Variants in ZNF516 observed in about 807,000 individuals in gnomAD.
The protein encoded by ZNF516 is zinc finger protein 516.
In ZNF516, 19 loss-of-function variants were observed where a neutral mutation model predicts 79.7. The ratio of observed to expected loss-of-function variants is 0.24; its 90% CI spans 0.17 to 0.35. The LOEUF (loss-of-function observed/expected upper bound fraction) is 0.35, where lower values mean the gene tolerates loss of function less well. Among genes scored for constraint, ZNF516 ranks in the 10% least tolerant of loss-of-function variants. ZNF516 has a pLI of 1.00. For synonymous variants in ZNF516, 877 were observed against 739.5 expected, an observed-to-expected ratio of 1.19 and a Z score of -3.02; for missense variants, 1,678 against 1,679.5, an observed-to-expected ratio of 1.00 and a Z score of 0.02.
chr18:76,384,732 T>G (rs1024705916), intron 3 of ZNF516, among the ~76,000 whole-genome samples: 7 of 151,634 alleles, frequency 4.6e-5, no homozygotes, highest in Non-Finnish European at 1.0e-4. Flanking sequence ...GTTGAGGAAA[T>G]GCCTGGTTCC....
At chr18:76,456,637 C>A (rs936281042) in intron 2 of ZNF516, among the ~76,000 whole-genome samples, 2 of 148,504 alleles carry the variant, frequency 1.3e-5, no homozygotes, top group Non-Finnish European at 3.0e-5. Flanking sequence ...CTGGGCCACA[C>A]AGTCAACCCC....
chr18:76,377,414 C>T (rs1015871513), intron 4 of ZNF516, among the ~76,000 whole-genome samples: 3 of 152,286 alleles, frequency 2.0e-5, no homozygotes, highest in African/African-American at 7.2e-5. Flanking sequence ...AGAGGGGCAG[C>T]AGGCCTGTGA....
chr18:76,438,315 G>A (rs938393556), intron 3 of ZNF516, among the ~76,000 whole-genome samples: 3 of 152,320 alleles, frequency 2.0e-5, no homozygotes, highest in South Asian at 2.1e-4. Context: ...AGCAATATTC[G>A]TTTTTCCTTA....
chr18:76,380,315 A>G lies in ZNF516; in HGVS notation c.1811-12T>C. The G allele has an allele frequency of 1.2e-6, 2 of 1,608,480 alleles. No homozygotes were observed. Among genetic ancestry groups the G allele is most frequent in the Non-Finnish European group, 1.7e-6 (2 of 1,177,224 alleles). The stretch of plus-strand genomic sequence containing the variant: ...GCGCGGCTGTCCCCCTAGAGGAGGC[A>G]AAATATGAAACGGGAAGTTACCATT... On this transcript the variant is annotated splice_polypyrimidine_tract_variant and intron_variant, in intron 3 of 6. Coordinates refer to ENST00000443185, the MANE Select transcript of ZNF516 (RefSeq NM_014643.4).
intron 6 of ZNF516, among the ~76,000 whole-genome samples, chr18:76,367,799 T>TG (rs2074639638): frequency 6.6e-6 from 1 of 152,240 alleles, no homozygotes; most frequent in Admixed American, 6.5e-5. Context: ...TGGCACGCAG[T>TG]GGGTGGTCAA....
intron 2 of ZNF516, among the ~76,000 whole-genome samples, chr18:76,458,312 C>G (rs1912857578): frequency 1.3e-5 from 2 of 152,202 alleles, no homozygotes; most frequent in African/African-American, 4.8e-5. Context: ...GCACTGTGGA[C>G]CCGCAGTGCA....
chr18:76,381,752 A>AG (rs2074896136), intron 3 of ZNF516, among the ~76,000 whole-genome samples: 1 of 152,240 alleles, frequency 6.6e-6, no homozygotes. Flanking sequence ...CCAGCAGTTA[A>AG]GGGCTGATCA....
intron 1 of ZNF516, among the ~76,000 whole-genome samples, chr18:76,485,837 G>C (rs970006801): frequency 1.2e-4 from 18 of 149,254 alleles, no homozygotes; most frequent in African/African-American, 4.4e-4. Context: ...TATTAAATAG[G>C]ATTGTCCATT....
At position 76,379,877 on chromosome 18, in the gene ZNF516, T is replaced by C; in HGVS notation, c.2237A>G (p.Asn746Ser). The C allele has an allele frequency of 4.3e-6, 7 of 1,613,928 alleles. No homozygotes were observed. Among genetic ancestry groups the C allele is most frequent in the Non-Finnish European group, 5.9e-6 (7 of 1,179,888 alleles). The change falls in exon 4 of 7, where the codon AAT (asparagine) becomes AGT (serine). Residue 746 changes from asparagine to serine, a missense_variant. Asn to Ser is a conservative substitution (Grantham distance 46, BLOSUM62 1). Transcript: ENST00000443185. Reference sequence around the variant, plus strand: ...CTGCAGGGAGGAGGCCGTCTCCTTATTGCTGGGGTCATCCCGCGTCGACCT... The same window carrying C: ...CTGCAGGGAGGAGGCCGTCTCCTTACTGCTGGGGTCATCCCGCGTCGACCT... ...SARSTRDDPS[N>S]KETASSLQAA...
chr18:76,411,469 C>T (rs1039976160), intron 3 of ZNF516, among the ~76,000 whole-genome samples: 3 of 152,214 alleles, frequency 2.0e-5, no homozygotes, highest in African/African-American at 7.2e-5. Flanking sequence ...GGATTCTTCA[C>T]TTAGGATCAC....
At position 76,370,508 on chromosome 18, in the gene ZNF516, C is replaced by T. The variant is rs1236204089; in HGVS notation, c.3432+20G>A. On this transcript the variant is annotated intron_variant, in intron 6 of 6. Transcript: ENST00000443185. ...GCTACCGCATCGAAACCCAGACATC[C>T]AATTCATCATGAGACCTACTTGTTT... 1 of 1,590,208 alleles carries T rather than the reference C, an allele frequency of 6.3e-7. No individual in the cohort carries two copies. The highest frequency in any genetic ancestry group is 1.1e-5 in the South Asian group (1 of 87,552).
intron 1 of ZNF516, among the ~76,000 whole-genome samples, chr18:76,465,032 AGAG>A (rs1295718445): frequency 1.3e-5 from 2 of 152,232 alleles, no homozygotes; most frequent in Non-Finnish European, 2.9e-5. Context: ...GGGAGCCGCC[AGAG>A]GAGAGAGGCT....
intron 1 of ZNF516, among the ~76,000 whole-genome samples, chr18:76,476,882 C>T (rs1488107950): frequency 6.6e-6 from 1 of 152,092 alleles, no homozygotes; most frequent in African/African-American, 2.4e-5. Context: ...TGACTTGCTA[C>T]GGAGGCTTAA....
At position 76,492,290 on chromosome 18, in the gene ZNF516, C is replaced by T. The variant is rs990026305; in HGVS notation, c.-272+2854G>A. On this transcript the variant is annotated intron_variant, in intron 1 of 6. Transcript: ENST00000443185. ...CTTCCCGAGGTGCGTACTACGCGAG[C>T]CACACACATCACTACCGATATTCCT... 1.1e-5 allele frequency: 11 copies of T among 985,352 alleles called. No individual in the cohort carries two copies. In the Admixed American group the frequency reaches 4.9e-4, roughly 44 times the overall value. 61.0% of individuals were successfully genotyped at this position (985,352 alleles called of 1,614,324 possible). A position where few individuals can be genotyped will look rare whatever the true frequency, so the allele number is the denominator to read the frequency against.
intron 3 of ZNF516, chr18:76,386,009 C>T (rs527306269): frequency 1.3e-5 from 2 of 152,392 alleles, no homozygotes; most frequent in African/African-American, 4.8e-5. Context: ...AGACACTTTT[C>T]TTGCCTAACT....
At chr18:76,414,438 CCT>C (rs2075408471) in intron 3 of ZNF516, among the ~76,000 whole-genome samples, 1 of 152,146 alleles carries the variant, frequency 6.6e-6, no homozygotes, top group South Asian at 2.1e-4. Context: ...GAACAAATGC[CCT>C]CTGTCACTAT....
At chr18:76,416,906 CTGT>C (rs913074581) in intron 3 of ZNF516, among the ~76,000 whole-genome samples, 1 of 151,990 alleles carries the variant, frequency 6.6e-6, no homozygotes, top group Non-Finnish European at 1.5e-5. Context: ...CAAATTACCG[CTGT>C]TGTTAATAAG....
intron 6 of ZNF516, 70 bp downstream of exon 6, chr18:76,370,458 T>C (rs954684790): frequency 1.2e-5 from 16 of 1,385,408 alleles, no homozygotes; most frequent in Non-Finnish European, 1.5e-5. Context: ...GCTTCAGTGA[T>C]GAGCATCATG....
At chr18:76,449,010 T>G (rs997932898) in intron 2 of ZNF516, among the ~76,000 whole-genome samples, 1 of 152,090 alleles carries the variant, frequency 6.6e-6, no homozygotes, top group Non-Finnish European at 1.5e-5. Context: ...TAAGTACTTT[T>G]CATGACCCAA....
Sources: gnomAD v4.1 joint callset for allele counts (sites outside exome capture counted in the v4.1 genomes callset) on GRCh38, gnomAD v4.1.1 for gene constraint, MANE v1.5 for transcripts, NCBI Gene and HGNC (gene_info 2026-07-23, HGNC 2026-07-21) for gene names.